Variants in AKAP6 observed in about 807,000 individuals in gnomAD.
The protein encoded by AKAP6 is A-kinase anchoring protein 6.
Under a neutral mutation model 188.5 loss-of-function variants are expected in AKAP6, and 58 were observed. The ratio of observed to expected loss-of-function variants is 0.31; its 90% CI spans 0.25 to 0.38. AKAP6 has a LOEUF of 0.38. Ranked by LOEUF, AKAP6 falls within the 10% of genes least tolerant of loss-of-function variation. AKAP6 has a pLI of 1.00. For missense variants in AKAP6, 2,710 were observed against 2,740.0 expected, an observed-to-expected ratio of 0.99 and a Z score of 0.24; for synonymous variants, 989 against 998.6, an observed-to-expected ratio of 0.99 and a Z score of 0.18.
chr14:32,465,550 C>G (rs977003990), intron 2 of AKAP6, among the ~76,000 whole-genome samples: 2 of 152,074 alleles, frequency 1.3e-5, no homozygotes, highest in Non-Finnish European at 2.9e-5. Flanking sequence ...AGAAACCTGA[C>G]ACTGGACCCC....
chr14:32,562,729 G>C (rs1458276407), intron 4 of AKAP6, among the ~76,000 whole-genome samples: 1 of 152,164 alleles, frequency 6.6e-6, no homozygotes, highest in Non-Finnish European at 1.5e-5. Context: ...CTGCACTCCA[G>C]CCCAGGTGAC....
chr14:32,818,298 T>C (rs1409949281), intron 12 of AKAP6, among the ~76,000 whole-genome samples: 1 of 152,120 alleles, frequency 6.6e-6, no homozygotes, highest in African/African-American at 2.4e-5. Flanking sequence ...AATTTTCCAT[T>C]CCAACTACAG....
intron 9 of AKAP6, among the ~76,000 whole-genome samples, chr14:32,725,900 A>T (rs2030847614): frequency 6.6e-6 from 1 of 152,336 alleles, no homozygotes; most frequent in African/African-American, 2.4e-5. Flanking sequence ...ATGAAGTTAA[A>T]GTCCTTGGTT....
intron 1 of AKAP6, among the ~76,000 whole-genome samples, chr14:32,368,117 C>T (rs926266312): frequency 1.3e-5 from 2 of 152,196 alleles, no homozygotes; most frequent in African/African-American, 4.8e-5. Flanking sequence ...CTCTCTCTCT[C>T]TCTCATCTCA....
chr14:32,456,365 A>G (rs1436422901), intron 2 of AKAP6, among the ~76,000 whole-genome samples: 1 of 152,162 alleles, frequency 6.6e-6, no homozygotes, highest in East Asian at 1.9e-4. Flanking sequence ...ACAGAAATAT[A>G]GTTTAATTTT....
At chr14:32,614,236 C>T (rs17099359) in intron 7 of AKAP6, among the ~76,000 whole-genome samples, 3,585 of 152,128 alleles carry the variant, frequency 0.024, 147 homozygotes, top group African/African-American at 0.082. Flanking sequence ...TGCTTCAGAC[C>T]TTTGGCAAAT....
chr14:32,482,064 T>C (rs183916152), intron 2 of AKAP6, among the ~76,000 whole-genome samples: 4 of 152,288 alleles, frequency 2.6e-5, no homozygotes, highest in Admixed American at 1.3e-4. Context: ...GACTGTATTA[T>C]AGCACAACTT....
chr14:32,405,264 A>G (rs8011313), intron 1 of AKAP6, among the ~76,000 whole-genome samples: 144,125 of 152,056 alleles, frequency 0.95, 68,657 homozygotes, highest in East Asian at 1. Flanking sequence ...CCATTTATGT[A>G]CCTTCCTCTT....
At position 32,831,016 on chromosome 14, in the gene AKAP6, G is replaced by T. The variant is rs775555827; in HGVS notation, c.*1211G>T. 1.3e-5 allele frequency: 2 copies of T among 152,094 alleles called. No individual in the cohort carries two copies. The highest frequency in any genetic ancestry group is 2.9e-5 in the Non-Finnish European group (2 of 68,002). The allele number at this position is 152,094 out of a possible 1,614,324, so 9.4% of individuals were successfully genotyped here. Reference sequence around the variant, plus strand: ...ATCTTGGAACAGCAAATGATTAAATGTCAGTTCCCCTAAACCAATAAACAT... The same window carrying T: ...ATCTTGGAACAGCAAATGATTAAATTTCAGTTCCCCTAAACCAATAAACAT... On this transcript the variant is annotated 3_prime_UTR_variant, in exon 14 of 14. Coordinates refer to ENST00000280979, the MANE Select transcript of AKAP6 (RefSeq NM_004274.5).
intron 2 of AKAP6, among the ~76,000 whole-genome samples, chr14:32,522,919 A>G (rs568620472): frequency 6.6e-6 from 1 of 152,346 alleles, no homozygotes; most frequent in Non-Finnish European, 1.5e-5. Flanking sequence ...AAGACTTGGA[A>G]CTAACCCAAA....
At chr14:32,349,195 C>T (rs1887175793) in intron 1 of AKAP6, among the ~76,000 whole-genome samples, 2 of 152,202 alleles carry the variant, frequency 1.3e-5, no homozygotes, top group African/African-American at 4.8e-5. Flanking sequence ...TATTTCAAAA[C>T]AAAAGCTATT....
intron 2 of AKAP6, among the ~76,000 whole-genome samples, chr14:32,476,434 G>A (rs1879069573): frequency 6.6e-6 from 1 of 152,174 alleles, no homozygotes; most frequent in Admixed American, 6.5e-5. Context: ...TAAGTAAACA[G>A]CGAAGTAGGA....
intron 1 of AKAP6, among the ~76,000 whole-genome samples, chr14:32,345,681 A>G (rs758062137): frequency 1.3e-5 from 2 of 152,150 alleles, no homozygotes; most frequent in African/African-American, 2.4e-5. Flanking sequence ...GTCAGTTTCT[A>G]TGTGGGTCAT....
intron 5 of AKAP6, among the ~76,000 whole-genome samples, chr14:32,580,872 G>T (rs965976880): frequency 2.0e-5 from 3 of 152,310 alleles, no homozygotes; most frequent in East Asian, 3.9e-4. Flanking sequence ...TCCCTGCAAA[G>T]AACATGAACT....
intron 2 of AKAP6, among the ~76,000 whole-genome samples, chr14:32,459,947 T>C (rs1029376630): frequency 2.6e-5 from 4 of 151,898 alleles, no homozygotes; most frequent in African/African-American, 7.3e-5. Context: ...GGGAGAAATA[T>C]CCATGTAAGG....
intron 4 of AKAP6, 111 bp downstream of exon 4, chr14:32,547,110 A>G (rs1883234050): frequency 1.9e-6 from 2 of 1,047,952 alleles, no homozygotes; most frequent in Non-Finnish European, 2.7e-6. Flanking sequence ...ATTTTTGATA[A>G]ATCTGATTCT....
At chr14:32,810,279 G>A in intron 12 of AKAP6, among the ~76,000 whole-genome samples, 1 of 151,328 alleles carries the variant, frequency 6.6e-6, no homozygotes, top group South Asian at 2.1e-4. Context: ...TTTACAAAAT[G>A]AATTCACATT....
At chr14:32,428,492 AG>A (rs1466199368) in intron 1 of AKAP6, among the ~76,000 whole-genome samples, 1 of 152,164 alleles carries the variant, frequency 6.6e-6, no homozygotes, top group Non-Finnish European at 1.5e-5. Flanking sequence ...TTTGGCCACA[AG>A]AAGAGAAACA....
intron 1 of AKAP6, among the ~76,000 whole-genome samples, chr14:32,397,950 C>T (rs1033681379): frequency 1.3e-5 from 2 of 152,134 alleles, no homozygotes; most frequent in Non-Finnish European, 2.9e-5. Flanking sequence ...TCATACTATC[C>T]ACAAAATAAA....
Sources: allele counts gnomAD v4.1 joint callset (sites outside exome capture counted in the v4.1 genomes callset), GRCh38; gene constraint gnomAD v4.1.1; transcripts MANE v1.5; gene names NCBI Gene and HGNC (gene_info 2026-07-23, HGNC 2026-07-21).